Variants in FBF1 observed in about 807,000 individuals in gnomAD.
The protein encoded by FBF1 is fas-binding factor 1.
A neutral mutation model predicts 147.2 loss-of-function variants in FBF1; 119 were observed. The ratio of observed to expected loss-of-function variants is 0.81; its 90% CI spans 0.70 to 0.94. The LOEUF (loss-of-function observed/expected upper bound fraction) is 0.94, where lower values mean the gene tolerates loss of function less well. Ranked by LOEUF, FBF1 falls within the 40% of genes least tolerant of loss-of-function variation. FBF1 has a pLI of 0.00. For synonymous variants in FBF1, 601 were observed against 609.0 expected (o/e 0.99, Z 0.19); for missense variants, 1,449 against 1,500.8 (o/e 0.97, Z 0.57).
chr17:75,926,425 A>T lies in FBF1; in HGVS notation c.597T>A (p.Gly199=). 6.4e-7 allele frequency: 1 copy of T among 1,558,706 alleles called. No individual in the cohort carries two copies. ...DKSPSTVRDQ[G]PSIPLTPGDT... ...CCCCAGGAGTTAGAGGAATAGAGGG[A>T]CCTGAAAGACAAAACAAGGCCCAAT... Residue 199 remains glycine (G), a splice_region_variant and synonymous_variant, in exon 11 of 30, where the codon GGT becomes GGA. Coordinates refer to ENST00000636174, the MANE Select transcript of FBF1 (RefSeq NM_001319193.2).
chr17:75,940,240 CTTCT>C (rs1167756090), intron 1 of FBF1, among the ~76,000 whole-genome samples: 4 of 148,588 alleles, frequency 2.7e-5, no homozygotes, highest in Admixed American at 6.7e-5. Context: ...CACGCCTGGC[CTTCT>C]TTCTTTTTTT....
rs531908276 is a variant in FBF1 at position 75,928,268 on chromosome 17, C to A, written c.280-75G>T. The A allele has an allele frequency of 9.0e-7, 1 of 1,113,192 alleles. No homozygotes were observed. The highest frequency in any genetic ancestry group is 1.3e-5 in the South Asian group (1 of 77,346). The allele number at this position is 1,113,192 out of a possible 1,614,324, so 69.0% of individuals were successfully genotyped here. A position where few individuals can be genotyped will look rare whatever the true frequency, so the allele number is the denominator to read the frequency against. ...AGGACTTCCACCTGAGAGAGATGGG[C>A]TGTTGGCACCCCAGGTGTAGAATTG... is the stretch of plus-strand genomic sequence containing the variant. On this transcript the variant is annotated intron_variant, in intron 7 of 29. Transcript: ENST00000636174. The surrounding 1 kb of genome is among the most constrained non-coding windows in gnomAD (Gnocchi z 4.2).
intron 28 of FBF1, 21 bp downstream of exon 28, chr17:75,913,681 C>T (rs778240644): frequency 6.4e-7 from 1 of 1,565,474 alleles, no homozygotes; most frequent in South Asian, 1.2e-5. Flanking sequence ...GCCGCCGGCC[C>T]TTCCTTCTGG....
rs756519804 is a variant in FBF1 at position 75,927,442 on chromosome 17, G to C, written c.475+13C>G. On this transcript the variant is annotated intron_variant, in intron 9 of 29. Coordinates refer to ENST00000636174, the MANE Select transcript of FBF1 (RefSeq NM_001319193.2). ...CCAGAGTGTCCCAGAGGCATGACAG[G>C]AGCCTATGGTACCTTCAGAGGAAAA... 1 of 1,575,356 alleles carries C rather than the reference G, an allele frequency of 6.3e-7. No homozygotes were observed. Among genetic ancestry groups the C allele is most frequent in the Non-Finnish European group, 8.6e-7 (1 of 1,160,196 alleles).
At chr17:75,924,536 G>A (rs1010230283) in intron 13 of FBF1, among the ~76,000 whole-genome samples, 23 of 152,262 alleles carry the variant, frequency 1.5e-4, no homozygotes, top group African/African-American at 5.5e-4. Context: ...TGCAGTGAGT[G>A]GTGCAATCTC....
Position 75,913,707 on chromosome 17 carries a change from T to C in FBF1, c.3242A>G (p.Gln1081Arg), listed in dbSNP as rs2065469075. 1 of 1,594,074 alleles carries C rather than the reference T, an allele frequency of 6.3e-7. No individual in the cohort carries two copies. The part of the protein sequence containing the change: ...PRAQGPAASS[Q>R]SALMPPAPTT... ...TTCCTTCTGGAGCCACTCACCACTCTGGCTGGAGGCTGCAGGGCCCTGGGC... is the reference window on the plus strand; with the variant it reads ...TTCCTTCTGGAGCCACTCACCACTCCGGCTGGAGGCTGCAGGGCCCTGGGC... The change falls in exon 28 of 30, where the codon CAG (glutamine) becomes CGG (arginine). Residue 1081 changes from glutamine to arginine, a missense_variant. By Grantham distance (43) the Gln-to-Arg change is conservative (BLOSUM62 1). Transcript: ENST00000636174.
Position 75,922,200 on chromosome 17 carries a change from G to A in FBF1, c.1425-154C>T. On this transcript the variant is annotated intron_variant, in intron 14 of 29. Coordinates refer to ENST00000636174, the MANE Select transcript of FBF1 (RefSeq NM_001319193.2). The surrounding 1 kb of genome is among the most constrained non-coding windows in gnomAD (Gnocchi z 5.0). ...CTTGGGGCATTCTCCTCCCACGTCT[G>A]AGCTCCTGGGATTTCTGGGCATCTC... is the stretch of plus-strand genomic sequence containing the variant. 1 of 605,642 alleles carries A rather than the reference G, an allele frequency of 1.7e-6. No homozygotes were observed. The highest frequency in any genetic ancestry group is 4.4e-4 in the Middle Eastern group (1 of 2,250). The allele number at this position is 605,642 out of a possible 1,614,324, so 37.5% of individuals were successfully genotyped here.
rs548891338 is a variant in FBF1 at position 75,918,805 on chromosome 17, CT to C, written c.2139-537del. Reference sequence around the variant, plus strand: ...CCACGCCCGGCCCCAAGCAGTCTTTCTTTTTTTTTTTTTTTTTCCTAGAGAT... The same window carrying C: ...CCACGCCCGGCCCCAAGCAGTCTTTCTTTTTTTTTTTTTTTTCCTAGAGAT... On this transcript the variant is annotated intron_variant, in intron 20 of 29. Coordinates refer to ENST00000636174, the MANE Select transcript of FBF1 (RefSeq NM_001319193.2). This position sits in a 1 kb window ranked among gnomAD's most constrained non-coding sequence, Gnocchi z 5.8. Among the ~76,000 whole-genome samples the C allele has an allele frequency of 0.043, 5,640 of 131,640 alleles. 271 individuals carry two copies. The highest frequency in any genetic ancestry group is 0.12 in the African/African-American group (4,364 of 36,336). The allele number at this position is 131,640 out of a possible 152,430, so 86.4% of individuals were successfully genotyped here. A position where few individuals can be genotyped will look rare whatever the true frequency, so the allele number is the denominator to read the frequency against.
Position 75,928,263 on chromosome 17 carries a change from A to G in FBF1, c.280-70T>C. The G allele has an allele frequency of 1.6e-6, 2 of 1,285,982 alleles. No homozygotes were observed. Among genetic ancestry groups the G allele is most frequent in the South Asian group, 2.4e-5 (2 of 81,910 alleles). The allele number at this position is 1,285,982 out of a possible 1,614,324, so 79.7% of individuals were successfully genotyped here. ...GGCTGAGGACTTCCACCTGAGAGAG[A>G]TGGGCTGTTGGCACCCCAGGTGTAG... is the stretch of plus-strand genomic sequence containing the variant. On this transcript the variant is annotated intron_variant, in intron 7 of 29. Coordinates refer to ENST00000636174, the MANE Select transcript of FBF1 (RefSeq NM_001319193.2). This position sits in a 1 kb window ranked among gnomAD's most constrained non-coding sequence, Gnocchi z 4.2.
intron 29 of FBF1, among the ~76,000 whole-genome samples, 161 bp downstream of exon 29, chr17:75,912,031 A>G (rs1317273042): frequency 6.6e-6 from 1 of 152,236 alleles, no homozygotes; most frequent in African/African-American, 2.4e-5. Flanking sequence ...AACCTGGCCT[A>G]GTGTGGAAGT....
intron 1 of FBF1, among the ~76,000 whole-genome samples, chr17:75,938,883 A>G (rs2065641590): frequency 6.6e-6 from 1 of 151,134 alleles, no homozygotes; most frequent in Non-Finnish European, 1.5e-5. Context: ...AAAAAGATGT[A>G]GGTTTAACAG....
At chr17:75,931,411 C>T (rs2065594035) in intron 5 of FBF1, 122 bp from the exon 6 acceptor site, 1 of 805,914 alleles carries the variant, frequency 1.2e-6, no homozygotes, top group African/African-American at 1.7e-5. Context: ...AACAGAGGTG[C>T]TAAAAGGAAT....
chr17:75,933,912 G>A (rs983269136), intron 4 of FBF1, among the ~76,000 whole-genome samples: 1 of 152,150 alleles, frequency 6.6e-6, no homozygotes, highest in African/African-American at 2.4e-5. Flanking sequence ...AGGAAAACAA[G>A]TATTAGCAAG....
chr17:75,931,885 T>G (rs772160616), intron 5 of FBF1, among the ~76,000 whole-genome samples: 8 of 151,974 alleles, frequency 5.3e-5, no homozygotes, highest in Admixed American at 1.3e-4. Flanking sequence ...CTGTGGGGTA[T>G]TCATTCTTAT....
chr17:75,937,450 G>T, intron 3 of FBF1, 116 bp downstream of exon 3: 1 of 1,170,164 alleles, frequency 8.5e-7, no homozygotes, highest in Non-Finnish European at 1.3e-6. Context: ...GATTACAGGT[G>T]TGAGCCACCG....
chr17:75,930,337 C>T (rs79157968), intron 6 of FBF1, among the ~76,000 whole-genome samples: 8,637 of 152,284 alleles, frequency 0.057, 331 homozygotes, highest in Middle Eastern at 0.13. Flanking sequence ...TACTTCCCAC[C>T]CATGCCAATG....
chr17:75,923,070 C>T lies in FBF1; in HGVS notation c.1424+116G>A, dbSNP rs911863274. 18 of 1,067,900 alleles carry T rather than the reference C, an allele frequency of 1.7e-5. No individual in the cohort carries two copies. The highest frequency in any genetic ancestry group is 3.2e-5 in the African/African-American group (2 of 62,138). 66.2% of individuals were successfully genotyped at this position (1,067,900 alleles called of 1,614,324 possible). On this transcript the variant is annotated intron_variant, in intron 14 of 29. Coordinates refer to ENST00000636174, the MANE Select transcript of FBF1 (RefSeq NM_001319193.2). The surrounding 1 kb of genome is among the most constrained non-coding windows in gnomAD (Gnocchi z 4.1). ...CAAGAAGCGGCCTCTGTGGCCACGG[C>T]GCCCTGCCTTGTTCCCCAACTGCTG...
Position 75,925,887 on chromosome 17 carries a change from G to C in FBF1, c.868+143C>G. 8.4e-7 allele frequency: 1 copy of C among 1,197,014 alleles called. No individual in the cohort carries two copies. Among genetic ancestry groups the C allele is most frequent in the South Asian group, 1.7e-5 (1 of 60,528 alleles). 74.1% of individuals were successfully genotyped at this position (1,197,014 alleles called of 1,614,324 possible). ...CACGGTAAGTATTATTTCACGGTAA[G>C]TATTATTTTGTCTCAGCTATAGACG... is the stretch of plus-strand genomic sequence containing the variant. On this transcript the variant is annotated intron_variant, in intron 12 of 29. Coordinates refer to ENST00000636174, the MANE Select transcript of FBF1 (RefSeq NM_001319193.2). This position sits in a 1 kb window ranked among gnomAD's most constrained non-coding sequence, Gnocchi z 5.0.
At chr17:75,916,072 C>A (rs573222881) in intron 23 of FBF1, among the ~76,000 whole-genome samples, 5 of 145,950 alleles carry the variant, frequency 3.4e-5, no homozygotes, top group Non-Finnish European at 6.0e-5. Context: ...GTAATCCCTG[C>A]ACTTTGGGAG....
Sources: gnomAD v4.1 joint callset for allele counts (sites outside exome capture counted in the v4.1 genomes callset) on GRCh38, gnomAD v4.1.1 for gene constraint, Gnocchi (gnomAD v3.1) non-coding constraint, MANE v1.5 for transcripts, NCBI Gene and HGNC (gene_info 2026-07-23, HGNC 2026-07-21) for gene names.